Variants in CFAP54 observed in about 807,000 individuals in gnomAD.
CFAP54 encodes cilia- and flagella-associated protein 54.
In CFAP54, 290 loss-of-function variants were observed where a neutral mutation model predicts 370.4. The observed-to-expected ratio is 0.78, with a 90% CI of 0.71 to 0.86. The LOEUF (loss-of-function observed/expected upper bound fraction) is 0.86, where lower values mean the gene tolerates loss of function less well. Ranked by LOEUF, CFAP54 falls within the 40% of genes least tolerant of loss-of-function variation. CFAP54 has a pLI of 0.00. For missense variants in CFAP54, 3,399 were observed against 3,528.7 expected (o/e 0.96, Z 0.93); for synonymous variants, 1,206 against 1,236.5 (o/e 0.98, Z 0.52).
chr12:96,621,620 G>A lies in CFAP54; in HGVS notation c.3670G>A (p.Ala1224Thr). ...ILRSWREYDL[A>T]VMIINYGKKM... is the part of the protein sequence containing the mutation. Reference sequence around the variant, plus strand: ...TCGTTCATGGAGGGAATATGACCTGGCAGTAATGATTATAAATTATGGGAA... The same window carrying A: ...TCGTTCATGGAGGGAATATGACCTGACAGTAATGATTATAAATTATGGGAA... Residue 1224 changes from alanine (A) to threonine (T), a missense_variant, in exon 27 of 68, where the codon GCA becomes ACA. Transcript: ENST00000524981. 1 of 1,504,766 alleles carries A rather than the reference G, an allele frequency of 6.6e-7. No individual in the cohort carries two copies. The highest frequency in any genetic ancestry group is 8.9e-7 in the Non-Finnish European group (1 of 1,122,354). The allele number at this position is 1,504,766 out of a possible 1,614,324, so 93.2% of individuals were successfully genotyped here.
At chr12:96,616,743 A>G (rs1956423569) in intron 26 of CFAP54, among the ~76,000 whole-genome samples, 1 of 152,202 alleles carries the variant, frequency 6.6e-6, no homozygotes, top group Non-Finnish European at 1.5e-5. Context: ...ATATAATGCA[A>G]TATTTCAGTT....
intron 63 of CFAP54, among the ~76,000 whole-genome samples, chr12:96,805,130 TA>T (rs1047804163): frequency 6.6e-6 from 1 of 151,926 alleles, no homozygotes; most frequent in Non-Finnish European, 1.5e-5. Flanking sequence ...CTGAAATTAT[TA>T]AAAAAATCCA....
intron 42 of CFAP54, among the ~76,000 whole-genome samples, chr12:96,686,430 A>G (rs577276278): frequency 1.3e-5 from 2 of 152,342 alleles, no homozygotes; most frequent in Admixed American, 6.5e-5. Context: ...AGTAATTTGT[A>G]AAGAAAAGAG....
intron 55 of CFAP54, 75 bp downstream of exon 55, chr12:96,744,221 T>C: frequency 7.7e-7 from 1 of 1,290,590 alleles, no homozygotes; most frequent in South Asian, 1.5e-5. Context: ...CAGGCTATCA[T>C]ATGAGTGCAT....
intron 39 of CFAP54, among the ~76,000 whole-genome samples, chr12:96,664,693 A>C (rs55978939): frequency 0.023 from 282 of 12,090 alleles, 16 homozygotes; most frequent in East Asian, 0.033. Context: ...CTTTGGGTAT[A>C]TATCTATATA....
At chr12:96,786,381 A>G (rs994314227) in intron 61 of CFAP54, among the ~76,000 whole-genome samples, 6 of 151,774 alleles carry the variant, frequency 4.0e-5, no homozygotes, top group Non-Finnish European at 5.9e-5. Context: ...GGGTTTTGCT[A>G]TTTTGGCTAG....
chr12:96,764,736 C>A (rs1379686868), intron 59 of CFAP54, among the ~76,000 whole-genome samples: 1 of 152,192 alleles, frequency 6.6e-6, no homozygotes, highest in African/African-American at 2.4e-5. Context: ...ATTAGCCAGA[C>A]TTAGTTCTCT....
Position 96,654,500 on chromosome 12 carries a change from CA to C in CFAP54, c.5100+2701del, listed in dbSNP as rs549250505. 3.6e-3 allele frequency among the ~76,000 whole-genome samples: 488 copies of C among 135,320 alleles called. 4 individuals carry two copies. Among genetic ancestry groups the C allele is most frequent in the African/African-American group, 0.012 (413 of 35,590 alleles). 88.8% of individuals were successfully genotyped at this position (135,320 alleles called of 152,430 possible). A position where few individuals can be genotyped will look rare whatever the true frequency, so the allele number is the denominator to read the frequency against. On this transcript the variant is annotated intron_variant, in intron 36 of 67. Coordinates refer to ENST00000524981, the MANE Select transcript of CFAP54 (RefSeq NM_001306084.2). Reference sequence around the variant, plus strand: ...TGGGCGACAGAGCGAGACTCCGTCTCAAAAAAAAAAAAAAAATTTATGGGGT... The same window carrying C: ...TGGGCGACAGAGCGAGACTCCGTCTCAAAAAAAAAAAAAAATTTATGGGGT...
chr12:96,828,562 G>T (rs1959154092), intron 65 of CFAP54, among the ~76,000 whole-genome samples: 1 of 152,058 alleles, frequency 6.6e-6, no homozygotes, highest in Non-Finnish European at 1.5e-5. Context: ...CCTGTCTGTG[G>T]GTAGGTCCCT....
At chr12:96,607,199 A>C (rs1189610365) in intron 26 of CFAP54, among the ~76,000 whole-genome samples, 1 of 151,722 alleles carries the variant, frequency 6.6e-6, no homozygotes, top group Admixed American at 6.6e-5. Flanking sequence ...GAGGGAACAT[A>C]AGCCATTAGC....
At position 96,691,177 on chromosome 12, in the gene CFAP54, C is replaced by T. The variant is rs202163603; in HGVS notation, c.6131C>T (p.Ala2044Val). 1.2e-6 allele frequency: 2 copies of T among 1,613,520 alleles called. No individual in the cohort carries two copies. Among genetic ancestry groups the T allele is most frequent in the Middle Eastern group, 1.7e-4 (1 of 6,056 alleles). Reference protein sequence around the residue: ...LPHPKAERCYAQYEITQLLPG... With the variant: ...LPHPKAERCYVQYEITQLLPG... Reference sequence around the variant, plus strand: ...CATCCCAAAGCTGAACGTTGCTATGCTCAATATGAAATCACTCAGCTTCTC... The same window carrying T: ...CATCCCAAAGCTGAACGTTGCTATGTTCAATATGAAATCACTCAGCTTCTC... Residue 2044 changes from alanine (A) to valine (V), a missense_variant, in exon 44 of 68, where the codon GCT becomes GTT. Coordinates refer to ENST00000524981, the MANE Select transcript of CFAP54 (RefSeq NM_001306084.2).
chr12:96,499,513 G>T (rs1954999967), intron 1 of CFAP54, among the ~76,000 whole-genome samples: 2 of 152,154 alleles, frequency 1.3e-5, no homozygotes, highest in African/African-American at 2.4e-5. Context: ...ATTGATTGCT[G>T]GTGGGAATGC....
intron 63 of CFAP54, among the ~76,000 whole-genome samples, chr12:96,799,662 A>C (rs1027407894): frequency 2.0e-5 from 3 of 152,212 alleles, no homozygotes; most frequent in African/African-American, 4.8e-5. Context: ...GATACCTTTC[A>C]TGCTATTTCA....
At chr12:96,824,037 CA>C (rs1178945749) in intron 65 of CFAP54, among the ~76,000 whole-genome samples, 2 of 152,202 alleles carry the variant, frequency 1.3e-5, no homozygotes, top group African/African-American at 4.8e-5. Flanking sequence ...TGAAGTCACT[CA>C]GAGAGCCACT....
At position 96,518,942 on chromosome 12, in the gene CFAP54, C is replaced by G; in HGVS notation, c.813C>G (p.Leu271=). ...IGQSSKALEY[L]LWASMCMESL... ...TTATTTTGCAGGCCTTAGAGTATCT[C>G]CTGTGGGCCAGCATGTGTATGGAGT... The change falls in exon 6 of 68, where the codon CTC becomes CTG. Residue 271 remains leucine (L), a synonymous_variant. Coordinates refer to ENST00000524981, the MANE Select transcript of CFAP54 (RefSeq NM_001306084.2). 1 of 1,535,394 alleles carries G rather than the reference C, an allele frequency of 6.5e-7. No individual in the cohort carries two copies. Among genetic ancestry groups the G allele is most frequent in the Non-Finnish European group, 8.7e-7 (1 of 1,146,460 alleles).
At chr12:96,559,689 T>G (rs961331544) in intron 17 of CFAP54, among the ~76,000 whole-genome samples, 7 of 152,078 alleles carry the variant, frequency 4.6e-5, no homozygotes, top group African/African-American at 1.7e-4. Flanking sequence ...TACATGGACA[T>G]ATCCATAGGC....
intron 45 of CFAP54, among the ~76,000 whole-genome samples, chr12:96,696,056 G>A (rs1471033410): frequency 6.6e-6 from 1 of 152,190 alleles, no homozygotes; most frequent in Non-Finnish European, 1.5e-5. Context: ...TCATAAGTAG[G>A]TAAGATTTAG....
chr12:96,641,937 G>T (rs910626873), intron 32 of CFAP54, among the ~76,000 whole-genome samples: 12 of 120,878 alleles, frequency 9.9e-5, no homozygotes, highest in South Asian at 2.7e-4. Flanking sequence ...GTGGGGTGGT[G>T]CGGGGGGGGA....
intron 63 of CFAP54, among the ~76,000 whole-genome samples, chr12:96,793,373 C>CT (rs1281494284): frequency 1.3e-5 from 2 of 151,992 alleles, no homozygotes; most frequent in Admixed American, 6.6e-5. Flanking sequence ...TATTTCATTC[C>CT]TTTTTATGGC....
Sources: allele counts gnomAD v4.1 joint callset (sites outside exome capture counted in the v4.1 genomes callset), GRCh38; gene constraint gnomAD v4.1.1; transcripts MANE v1.5; gene names NCBI Gene and HGNC (gene_info 2026-07-23, HGNC 2026-07-21).